The following CD7 variants were observed in gnomAD, a reference collection of about 807,000 sequenced individuals.
CD7 encodes the protein T-cell antigen CD7.
In CD7, 19 loss-of-function variants were observed where a neutral mutation model predicts 17.6. The observed-to-expected ratio is 1.08, with a 90% CI of 0.75 to 1.58. The LOEUF (loss-of-function observed/expected upper bound fraction) is 1.58. Among genes scored for constraint, CD7 ranks in the 40% most tolerant of loss-of-function variants. CD7 has a pLI of 0.00. For missense variants in CD7, 291 were observed against 327.1 expected (o/e 0.89, Z 0.85); for synonymous variants, 160 against 159.8 (o/e 1.00, Z -0.01).
Position 82,315,114 on chromosome 17 carries a change from G to A in CD7, c.*207C>T, listed in dbSNP as rs34173082. ...GTGGGCTGGGCAGGGAAGGCTTCCC[G>A]GAGGAGGCATCATTGTCCACTGAGA... On this transcript the variant is annotated 3_prime_UTR_variant, in exon 4 of 4. Coordinates refer to ENST00000312648, the MANE Select transcript of CD7 (RefSeq NM_006137.7). 206 of 544,030 alleles carry A rather than the reference G, an allele frequency of 3.8e-4. No individual in the cohort carries two copies. The highest frequency in any genetic ancestry group is 6.3e-4 in the Non-Finnish European group (188 of 299,334). The allele number at this position is 544,030 out of a possible 1,614,324, so 33.7% of individuals were successfully genotyped here.
In CD7 at chr17:82,317,595, C is replaced by G; in HGVS notation, c.-100G>C. On this transcript the variant is annotated 5_prime_UTR_variant, in exon 1 of 4. Transcript: ENST00000312648. ...CAGCACACAGGAGACCGCAGGCGCTCAGAGCTCAGAGAGGGCTTCCTGGAG... is the reference window on the plus strand; with the variant it reads ...CAGCACACAGGAGACCGCAGGCGCTGAGAGCTCAGAGAGGGCTTCCTGGAG... 8.9e-7 allele frequency: 1 copy of G among 1,127,722 alleles called. No individual in the cohort carries two copies. Among genetic ancestry groups the G allele is most frequent in the Non-Finnish European group, 1.2e-6 (1 of 813,906 alleles). 69.9% of individuals were successfully genotyped at this position (1,127,722 alleles called of 1,614,324 possible).
intron 3 of CD7, chr17:82,315,676 A>C (rs1361545878): frequency 2.4e-5 from 13 of 547,250 alleles, no homozygotes; most frequent in Non-Finnish European, 4.3e-5. Flanking sequence ...AGCCCAAGCC[A>C]AGCGGGACCC....
Position 82,316,231 on chromosome 17 carries a change from C to A in CD7, c.576G>T (p.Leu192=). The stretch of plus-strand genomic sequence containing the variant: ...CCAGCACACACGCCACCCCCAGGCC[C>A]AGCCCGAGGAGGAAGGAGATCACCG... The part of the protein sequence containing the change: ...ALAVISFLLG[L]GLGVACVLAR... Residue 192 remains leucine (L), a synonymous_variant, in exon 3 of 4, where the codon CTG becomes CTT. Transcript: ENST00000312648. 6.4e-7 allele frequency: 1 copy of A among 1,569,732 alleles called. No individual in the cohort carries two copies. The highest frequency in any genetic ancestry group is 1.3e-5 in the African/African-American group (1 of 74,098).
chr17:82,317,556 G>C lies in CD7; in HGVS notation c.-61C>G. Reference sequence around the variant, plus strand: ...CAGCTGAGCCTCTCTGGGTCTACAGGACCCCACAGAGAGCAGCACACAGGA... The same window carrying C: ...CAGCTGAGCCTCTCTGGGTCTACAGCACCCCACAGAGAGCAGCACACAGGA... On this transcript the variant is annotated 5_prime_UTR_variant, in exon 1 of 4. Transcript: ENST00000312648. 6.9e-7 allele frequency: 1 copy of C among 1,448,236 alleles called. No homozygotes were observed. Among genetic ancestry groups the C allele is most frequent in the Non-Finnish European group, 9.3e-7 (1 of 1,072,840 alleles). 89.7% of individuals were successfully genotyped at this position (1,448,236 alleles called of 1,614,324 possible). A position where few individuals can be genotyped will look rare whatever the true frequency, so the allele number is the denominator to read the frequency against.
intron 1 of CD7, 105 bp from the exon 2 acceptor site, chr17:82,317,086 G>A (rs950501178): frequency 9.3e-7 from 1 of 1,080,328 alleles, no homozygotes; most frequent in South Asian, 1.6e-5. Context: ...GACAGCCCAG[G>A]GCTGACATGT....
rs577740507 is a variant in CD7 at position 82,316,023 on chromosome 17, T to G, written c.612+172A>C. On this transcript the variant is annotated intron_variant, in intron 3 of 3. Transcript: ENST00000312648. ...CTCCCTCCCCCTCAGGTCGCTTTGG[T>G]GCTGGTCCCCCTCCCTCCCCGCCGA... 2.0e-4 allele frequency: 149 copies of G among 749,956 alleles called. 1 individual carries two copies. In the East Asian group the frequency reaches 4.0e-3, roughly 20 times the overall value. The allele number at this position is 749,956 out of a possible 1,614,324, so 46.5% of individuals were successfully genotyped here.
rs547890406 is a variant in CD7 at position 82,315,915 on chromosome 17, C to A, written c.612+280G>T. ...CTCTGCCCGCACACTCCAACCTGCA[C>A]GCACAGACCTCAGAGATCCCCCCTC... On this transcript the variant is annotated intron_variant, in intron 3 of 3. Transcript: ENST00000312648. The A allele has an allele frequency of 6.6e-6, 4 of 608,720 alleles. No homozygotes were observed. In the East Asian group the frequency reaches 8.2e-5, roughly 13 times the overall value. 37.7% of individuals were successfully genotyped at this position (608,720 alleles called of 1,614,324 possible). A position where few individuals can be genotyped will look rare whatever the true frequency, so the allele number is the denominator to read the frequency against.
chr17:82,317,038 C>G, intron 1 of CD7, 57 bp from the exon 2 acceptor site: 1 of 1,450,002 alleles, frequency 6.9e-7, no homozygotes, highest in African/African-American at 1.4e-5. Context: ...AGAATGTCCT[C>G]CCTGCAGGGG....
chr17:82,316,462 C>T (rs909010611), intron 2 of CD7, 53 bp from the exon 3 acceptor site: 4 of 1,468,852 alleles, frequency 2.7e-6, no homozygotes, highest in Non-Finnish European at 3.7e-6. Context: ...CCTGTTAGAG[C>T]CCCCGGGGTT....
At chr17:82,317,027 G>C (rs1399087004) in intron 1 of CD7, 46 bp from the exon 2 acceptor site, 1 of 1,488,518 alleles carries the variant, frequency 6.7e-7, no homozygotes, top group Admixed American at 1.9e-5. Flanking sequence ...CAGAAGGACA[G>C]AGAATGTCCT....
In CD7 at chr17:82,316,185, T is replaced by A. The variant is rs1409123677; in HGVS notation, c.612+10A>T. The A allele has an allele frequency of 6.4e-7, 1 of 1,553,156 alleles. No homozygotes were observed. Among genetic ancestry groups the A allele is most frequent in the Non-Finnish European group, 8.7e-7 (1 of 1,148,156 alleles). Reference sequence around the variant, plus strand: ...TTGGGGTGCAGGTGGCAGCTGGGGCTCACACTGACCTGTGTCCTCGCCAGC... The same window carrying A: ...TTGGGGTGCAGGTGGCAGCTGGGGCACACACTGACCTGTGTCCTCGCCAGC... On this transcript the variant is annotated intron_variant, in intron 3 of 3. Transcript: ENST00000312648.
In CD7 at chr17:82,315,656, C is replaced by A. The variant is rs866126476; in HGVS notation, c.613-225G>T. On this transcript the variant is annotated intron_variant, in intron 3 of 3. Coordinates refer to ENST00000312648, the MANE Select transcript of CD7 (RefSeq NM_006137.7). ...GAAGGAGAGTGGAAGTGGCTTGGACCCCCCCACCAAGCCCAAGCCAAGCGG... is the reference window on the plus strand; with the variant it reads ...GAAGGAGAGTGGAAGTGGCTTGGACACCCCCACCAAGCCCAAGCCAAGCGG... 9.6e-5 allele frequency: 54 copies of A among 559,684 alleles called. No individual in the cohort carries two copies. In the East Asian group the frequency reaches 1.5e-3, roughly 16 times the overall value. The allele number at this position is 559,684 out of a possible 1,614,324, so 34.7% of individuals were successfully genotyped here.
At chr17:82,315,934 C>T in intron 3 of CD7, 1 of 616,296 alleles carries the variant, frequency 1.6e-6, no homozygotes, top group Non-Finnish European at 2.9e-6. Context: ...CTCAGAGATC[C>T]CCCCTCAGAC....
rs559846960 is a variant in CD7 at position 82,316,223 on chromosome 17, C to A, written c.584G>T (p.Gly195Val). Residue 195 changes from glycine to valine, a missense_variant, in exon 3 of 4, where the codon GGG becomes GTG. Transcript: ENST00000312648. ...TGTCCTCGCCAGCACACACGCCACC[C>A]CCAGGCCCAGCCCGAGGAGGAAGGA... The part of the protein sequence containing the change: ...VISFLLGLGL[G>V]VACVLARTQI... 3.6e-5 allele frequency: 57 copies of A among 1,566,688 alleles called. No homozygotes were observed.
At chr17:82,315,528 CA>C in intron 3 of CD7, 97 bp from the exon 4 acceptor site, 4 of 919,448 alleles carry the variant, frequency 4.4e-6, no homozygotes, top group Non-Finnish European at 6.9e-6. Context: ...ACGAGACCCC[CA>C]CGGGGCTCCT....
At position 82,315,095 on chromosome 17, in the gene CD7, T is replaced by C. The variant is rs1266988163; in HGVS notation, c.*226A>G. On this transcript the variant is annotated 3_prime_UTR_variant, in exon 4 of 4. Coordinates refer to ENST00000312648, the MANE Select transcript of CD7 (RefSeq NM_006137.7). ...GCTTCCTCCCGGTGGCGGCGTGGGC[T>C]GGGCAGGGAAGGCTTCCCGGAGGAG... is the stretch of plus-strand genomic sequence containing the variant. 12 of 505,914 alleles carry C rather than the reference T, an allele frequency of 2.4e-5. 1 individual carries two copies. The East Asian group carries it at 3.8e-4, about 16-fold the overall frequency. The allele number at this position is 505,914 out of a possible 1,614,324, so 31.3% of individuals were successfully genotyped here.
chr17:82,317,043 C>A (rs749049127), intron 1 of CD7, 62 bp from the exon 2 acceptor site: 1 of 1,440,592 alleles, frequency 6.9e-7, no homozygotes, highest in Non-Finnish European at 9.3e-7. Context: ...GTCCTCCCTG[C>A]AGGGGACAGT....
chr17:82,316,230 C>T lies in CD7; in HGVS notation c.577G>A (p.Gly193Ser), dbSNP rs368498671. ...GCCAGCACACACGCCACCCCCAGGC[C>T]CAGCCCGAGGAGGAAGGAGATCACC... Reference protein sequence around the residue: ...LAVISFLLGLGLGVACVLART... With the variant: ...LAVISFLLGLSLGVACVLART... Residue 193 changes from glycine to serine, a missense_variant, in exon 3 of 4, where the codon GGC becomes AGC. Coordinates refer to ENST00000312648, the MANE Select transcript of CD7 (RefSeq NM_006137.7). 94 of 1,569,124 alleles carry T rather than the reference C, an allele frequency of 6.0e-5. No individual in the cohort carries two copies. The highest frequency in any genetic ancestry group is 7.9e-5 in the Non-Finnish European group (91 of 1,156,614).
intron 2 of CD7, 55 bp downstream of exon 2, chr17:82,316,612 A>G: frequency 6.4e-7 from 1 of 1,550,482 alleles, no homozygotes; most frequent in Non-Finnish European, 8.8e-7. Context: ...GGGGGAGCAG[A>G]GCCTGGCCAG....
Sources: allele counts gnomAD v4.1 joint callset, GRCh38; gene constraint gnomAD v4.1.1; transcripts MANE v1.5; gene names NCBI Gene and HGNC (gene_info 2026-07-23, HGNC 2026-07-21).